Variants in AUH observed in about 807,000 individuals in gnomAD.
AUH encodes the protein AU RNA binding methylglutaconyl-CoA hydratase.
Under a neutral mutation model 42.3 loss-of-function variants are expected in AUH, and 29 were observed. The observed-to-expected ratio is 0.69, with a 90% CI of 0.51 to 0.93. The LOEUF (loss-of-function observed/expected upper bound fraction) is 0.93, where lower values mean the gene tolerates loss of function less well. AUH is among the 40% of genes least tolerant of loss of function. The pLI is 0.00. For synonymous variants in AUH, 174 were observed against 166.4 expected (o/e 1.05, Z -0.35); for missense variants, 452 against 438.1 (o/e 1.03, Z -0.28).
chr9:91,215,706 T>C (rs1826782939), intron 9 of AUH, among the ~76,000 whole-genome samples: 1 of 152,146 alleles, frequency 6.6e-6, no homozygotes, highest in African/African-American at 2.4e-5. Flanking sequence ...CCAGGTTGCA[T>C]GGCAGGCACA....
At chr9:91,267,532 T>C (rs1053452292) in intron 6 of AUH, among the ~76,000 whole-genome samples, 6 of 152,150 alleles carry the variant, frequency 3.9e-5, no homozygotes, top group African/African-American at 1.4e-4. Flanking sequence ...TGCACTTTTA[T>C]TCCTTTGGGC....
chr9:91,288,441 T>C (rs560818510), intron 6 of AUH, among the ~76,000 whole-genome samples: 7 of 152,220 alleles, frequency 4.6e-5, no homozygotes, highest in Admixed American at 2.0e-4. Context: ...GGTGAGAACG[T>C]TGGAGACGAA....
chr9:91,275,199 C>A (rs962168347), intron 6 of AUH, among the ~76,000 whole-genome samples: 1 of 152,132 alleles, frequency 6.6e-6, no homozygotes, highest in Non-Finnish European at 1.5e-5. Flanking sequence ...AGGACAGAAA[C>A]ACAGAGAGGC....
chr9:91,267,736 T>C (rs1330343389), intron 6 of AUH, among the ~76,000 whole-genome samples: 2 of 152,100 alleles, frequency 1.3e-5, no homozygotes, highest in Non-Finnish European at 2.9e-5. Flanking sequence ...GGTTGCTTCT[T>C]CTCTCAGGTA....
At chr9:91,236,646 G>A (rs781643468) in intron 6 of AUH, among the ~76,000 whole-genome samples, 5 of 152,160 alleles carry the variant, frequency 3.3e-5, no homozygotes, top group Non-Finnish European at 5.9e-5. Flanking sequence ...AACAGAGCAG[G>A]TGTGCATAAC....
intron 4 of AUH, among the ~76,000 whole-genome samples, chr9:91,299,397 C>G (rs1321266751): frequency 6.6e-6 from 1 of 152,092 alleles, no homozygotes; most frequent in Non-Finnish European, 1.5e-5. Flanking sequence ...TATTGAAGAT[C>G]AAGTCTGAAA....
At chr9:91,283,225 C>A (rs1353958133) in intron 6 of AUH, among the ~76,000 whole-genome samples, 5 of 152,208 alleles carry the variant, frequency 3.3e-5, no homozygotes, top group Non-Finnish European at 7.3e-5. Context: ...ATGATTATCT[C>A]AATAGATGCA....
chr9:91,261,923 G>C lies in AUH; in HGVS notation c.655+34098C>G, dbSNP rs148687986. On this transcript the variant is annotated intron_variant, in intron 6 of 9. Transcript: ENST00000375731. ...ATAGAAAAAGGGTACTTTTGAATTA[G>C]ACTTGAGAATGAAGTTTTGAACTGA... is the stretch of plus-strand genomic sequence containing the variant. 1.2e-4 allele frequency among the ~76,000 whole-genome samples: 18 copies of C among 152,270 alleles called. No individual in the cohort carries two copies. In the East Asian group the frequency reaches 3.5e-3, roughly 29 times the overall value.
At chr9:91,350,669 G>C (rs531079779) in intron 3 of AUH, among the ~76,000 whole-genome samples, 1 of 151,528 alleles carries the variant, frequency 6.6e-6, no homozygotes, top group South Asian at 2.1e-4. Flanking sequence ...TGAGGCAGGA[G>C]AATCACCTGA....
Position 91,214,222 on chromosome 9 carries a change from C to G in AUH, c.*126G>C. On this transcript the variant is annotated 3_prime_UTR_variant, in exon 10 of 10. Transcript: ENST00000375731. ...GGGTCCATTCCAGATGCTTATTACACCGTATGAATAATCTGCTCTTCACTT... is the reference window on the plus strand; with the variant it reads ...GGGTCCATTCCAGATGCTTATTACAGCGTATGAATAATCTGCTCTTCACTT... 1 of 782,316 alleles carries G rather than the reference C, an allele frequency of 1.3e-6. No individual in the cohort carries two copies. The highest frequency in any genetic ancestry group is 2.2e-6 in the Non-Finnish European group (1 of 458,618). 48.5% of individuals were successfully genotyped at this position (782,316 alleles called of 1,614,324 possible).
chr9:91,262,634 C>T (rs1439299250), intron 6 of AUH, among the ~76,000 whole-genome samples: 1 of 152,098 alleles, frequency 6.6e-6, no homozygotes, highest in African/African-American at 2.4e-5. Flanking sequence ...CCTCACAAAA[C>T]TCTATGGCAC....
chr9:91,275,710 T>C (rs1344784822), intron 6 of AUH, among the ~76,000 whole-genome samples: 2 of 152,348 alleles, frequency 1.3e-5, no homozygotes, highest in East Asian at 1.9e-4. Flanking sequence ...AGGATGACTA[T>C]GGCCATTTCC....
intron 6 of AUH, among the ~76,000 whole-genome samples, chr9:91,265,621 T>A (rs1039889563): frequency 6.6e-6 from 1 of 152,178 alleles, no homozygotes; most frequent in Non-Finnish European, 1.5e-5. Context: ...TTTGCCCCAA[T>A]AGGCAGGCTT....
At chr9:91,220,761 G>A in intron 7 of AUH, 44 bp downstream of exon 7, 1 of 1,603,542 alleles carries the variant, frequency 6.2e-7, no homozygotes, top group South Asian at 1.1e-5. Context: ...GTGTTATAAT[G>A]TTTCCTAAAA....
rs549596462 is a variant in AUH, at chr9:91,357,298, A to G, written c.263-1143T>C. On this transcript the variant is annotated intron_variant, in intron 1 of 9. Coordinates refer to ENST00000375731, the MANE Select transcript of AUH (RefSeq NM_001698.3). ...CAAGAGGTGGGCACTACTTTTATCA[A>G]TAGTTAACGGATAAAGAAATGGAGA... is the stretch of plus-strand genomic sequence containing the variant. Among the ~76,000 whole-genome samples, 356 of 152,308 alleles carry G rather than the reference A, an allele frequency of 2.3e-3. 3 individuals are homozygous for G. The highest frequency in any genetic ancestry group is 8.4e-3 in the African/African-American group (347 of 41,554).
intron 4 of AUH, among the ~76,000 whole-genome samples, chr9:91,301,488 T>C (rs1440104675): frequency 2.6e-5 from 4 of 152,230 alleles, no homozygotes; most frequent in African/African-American, 9.6e-5. Context: ...AACGATTGCC[T>C]GTGCCCAGGA....
chr9:91,285,492 C>G (rs189290081), intron 6 of AUH, among the ~76,000 whole-genome samples: 1 of 151,954 alleles, frequency 6.6e-6, no homozygotes, highest in Non-Finnish European at 1.5e-5. Flanking sequence ...CTGACAGAAG[C>G]CACACTGTTT....
In AUH at chr9:91,268,423, C is replaced by T. The variant is rs143396562; in HGVS notation, c.655+27598G>A. Among the ~76,000 whole-genome samples the T allele has an allele frequency of 4.0e-3, 600 of 150,968 alleles. 6 individuals carry two copies. The highest frequency in any genetic ancestry group is 0.014 in the African/African-American group (583 of 41,462). On this transcript the variant is annotated intron_variant, in intron 6 of 9. Coordinates refer to ENST00000375731, the MANE Select transcript of AUH (RefSeq NM_001698.3). ...CACACACACTGAGAAAAACATAACA[C>T]TTCCTAGACATTTTTTTTTTTTTAA...
rs573502119 is a variant in AUH at position 91,214,265 on chromosome 9, T to C, written c.*83A>G. ...CTTCACTTTGGTCATTAAGGTTCCA[T>C]GTGCTGAGGCATATAGTGGATCCGA... On this transcript the variant is annotated 3_prime_UTR_variant, in exon 10 of 10. Transcript: ENST00000375731. 1.7e-6 allele frequency: 2 copies of C among 1,182,484 alleles called. No homozygotes were observed. The highest frequency in any genetic ancestry group is 2.5e-5 in the East Asian group (1 of 39,622). 73.2% of individuals were successfully genotyped at this position (1,182,484 alleles called of 1,614,324 possible).
Sources: allele counts gnomAD v4.1 joint callset (sites outside exome capture counted in the v4.1 genomes callset), GRCh38; gene constraint gnomAD v4.1.1; transcripts MANE v1.5; gene names NCBI Gene and HGNC (gene_info 2026-07-23, HGNC 2026-07-21).